Variants in TENM3 observed in about 807,000 individuals in gnomAD.
TENM3 encodes the protein teneurin transmembrane protein 3, also known as teneurin-3.
Under a neutral mutation model 255.1 loss-of-function variants are expected in TENM3, and 63 were observed. The observed-to-expected ratio is 0.25, with a 90% CI of 0.20 to 0.30. The LOEUF (loss-of-function observed/expected upper bound fraction) is 0.30. Among genes scored for constraint, TENM3 ranks in the 10% least tolerant of loss-of-function variants. TENM3 has a pLI of 1.00. For missense variants in TENM3, 2,929 were observed against 3,461.1 expected, an observed-to-expected ratio of 0.85 and a Z score of 3.86; for synonymous variants, 1,306 against 1,322.3, an observed-to-expected ratio of 0.99 and a Z score of 0.27.
At chr4:181,525,396 C>T in the TENM3 span, among the ~76,000 whole-genome samples, 5 of 97,286 alleles carry the variant, frequency 5.1e-5, no homozygotes, top group African/African-American at 1.5e-4. Context: ...GACCCTGTTT[C>T]AAAAAAAAAA....
chr4:182,004,035 T>C, the TENM3 span, among the ~76,000 whole-genome samples: 5 of 152,146 alleles, frequency 3.3e-5, no homozygotes, highest in African/African-American at 1.2e-4. Context: ...TGAAGAATAT[T>C]GGATGTGTAA....
At chr4:181,768,018 G>A in the TENM3 span, among the ~76,000 whole-genome samples, 12 of 152,268 alleles carry the variant, frequency 7.9e-5, no homozygotes, top group East Asian at 2.3e-3. Context: ...GAAGGCAAAT[G>A]GCTATTCAAC....
the TENM3 span, among the ~76,000 whole-genome samples, chr4:181,730,516 G>A: frequency 1.3e-5 from 2 of 152,142 alleles, no homozygotes; most frequent in Non-Finnish European, 2.9e-5. Context: ...GTGGATAAAG[G>A]GGTGTCTATT....
chr4:181,464,598 G>T, the TENM3 span, among the ~76,000 whole-genome samples: 8 of 151,692 alleles, frequency 5.3e-5, no homozygotes, highest in African/African-American at 1.9e-4. Flanking sequence ...CATTCTGTGG[G>T]TTTTCTTTTC....
the TENM3 span, among the ~76,000 whole-genome samples, chr4:181,899,661 G>A: frequency 1.3e-5 from 2 of 151,776 alleles, no homozygotes. Context: ...TCTGCCTCCC[G>A]GGTTCAAGTG....
At chr4:181,809,396 A>G in the TENM3 span, among the ~76,000 whole-genome samples, 1 of 152,184 alleles carries the variant, frequency 6.6e-6, no homozygotes, top group Non-Finnish European at 1.5e-5. Flanking sequence ...TTTAGAGCCA[A>G]TAAGTGCTTA....
chr4:181,668,441 T>C, the TENM3 span, among the ~76,000 whole-genome samples: 3 of 152,218 alleles, frequency 2.0e-5, no homozygotes, highest in African/African-American at 4.8e-5. Context: ...GCCAGAAGTC[T>C]GAGGTCAAGG....
chr4:181,494,508 A>T, the TENM3 span, among the ~76,000 whole-genome samples: 1 of 151,066 alleles, frequency 6.6e-6, no homozygotes, highest in African/African-American at 2.4e-5. Context: ...CTGGTCTCAA[A>T]CTCCTGACCT....
the TENM3 span, among the ~76,000 whole-genome samples, chr4:182,073,261 T>C: frequency 6.6e-6 from 1 of 152,164 alleles, no homozygotes; most frequent in Non-Finnish European, 1.5e-5. Context: ...ACTCACTCAC[T>C]ATCATGAGAA....
chr4:182,176,117 C>T (rs1335156089), intron 1 of TENM3, among the ~76,000 whole-genome samples: 1 of 150,598 alleles, frequency 6.6e-6, no homozygotes, highest in African/African-American at 2.5e-5. Flanking sequence ...TCTTTAAGGT[C>T]ACATACTGTT....
chr4:182,558,799 T>C (rs1053980069), intron 3 of TENM3, among the ~76,000 whole-genome samples: 1 of 152,202 alleles, frequency 6.6e-6, no homozygotes, highest in African/African-American at 2.4e-5. Context: ...GTTTTTATGC[T>C]TCTTCCAGAG....
intron 5 of TENM3, among the ~76,000 whole-genome samples, chr4:182,630,451 A>G (rs1405675720): frequency 6.6e-6 from 1 of 151,876 alleles, no homozygotes; most frequent in Admixed American, 6.5e-5. Context: ...GGGACCAGTC[A>G]TAAATGGGAT....
At chr4:181,719,215 A>AAAATAAATAAAT in the TENM3 span, among the ~76,000 whole-genome samples, 45 of 150,068 alleles carry the variant, frequency 3.0e-4, 1 homozygote, top group South Asian at 4.9e-3. Context: ...TCCGTCTCAA[A>AAAATAAATAAAT]AAATAAATAA....
At chr4:182,537,053 G>C (rs1304623642) in intron 3 of TENM3, among the ~76,000 whole-genome samples, 2 of 152,168 alleles carry the variant, frequency 1.3e-5, no homozygotes, top group Non-Finnish European at 2.9e-5. Context: ...AGTTAACTGT[G>C]TGTTTCAGTT....
chr4:182,151,640 C>A (rs1231486516), intron 1 of TENM3, among the ~76,000 whole-genome samples: 3 of 151,894 alleles, frequency 2.0e-5, no homozygotes, highest in Non-Finnish European at 4.4e-5. Flanking sequence ...AAGAATAAAT[C>A]TATGACTTTT....
the TENM3 span, among the ~76,000 whole-genome samples, chr4:181,765,356 T>G: frequency 6.6e-6 from 1 of 152,200 alleles, no homozygotes; most frequent in African/African-American, 2.4e-5. Context: ...AAAATGGGAT[T>G]ATTTCTTACT....
intron 3 of TENM3, among the ~76,000 whole-genome samples, chr4:182,464,333 T>C (rs1196121079): frequency 6.6e-6 from 1 of 152,118 alleles, no homozygotes; most frequent in Non-Finnish European, 1.5e-5. Context: ...CTTGGCTCAC[T>C]GCAACCTCCG....
chr4:182,181,313 A>T (rs1752825319), intron 1 of TENM3, among the ~76,000 whole-genome samples: 1 of 152,224 alleles, frequency 6.6e-6, no homozygotes, highest in Admixed American at 6.5e-5. Flanking sequence ...CTTAAAAGGC[A>T]TTTGACTGTG....
the TENM3 span, among the ~76,000 whole-genome samples, chr4:181,604,792 A>T: frequency 1.3e-5 from 2 of 152,206 alleles, no homozygotes; most frequent in Non-Finnish European, 2.9e-5. Flanking sequence ...ATAGCCTAAG[A>T]GGTAGCACAG....
Sources: gnomAD v4.1 joint callset for allele counts (sites outside exome capture counted in the v4.1 genomes callset) on GRCh38, gnomAD v4.1.1 for gene constraint, MANE v1.5 for transcripts, NCBI Gene and HGNC (gene_info 2026-07-23, HGNC 2026-07-21) for gene names.